Variants in MFSD11 observed in about 807,000 individuals in gnomAD.
The protein encoded by MFSD11 is UNC93-like protein MFSD11.
Under a neutral mutation model 53.5 loss-of-function variants are expected in MFSD11, and 36 were observed. The ratio of observed to expected loss-of-function variants is 0.67; its 90% CI spans 0.52 to 0.89. The LOEUF is 0.89. Ranked by LOEUF, MFSD11 falls within the 40% of genes least tolerant of loss-of-function variation. The pLI is 0.00. For missense variants in MFSD11, 530 were observed against 543.9 expected (o/e 0.97, Z 0.25); for synonymous variants, 186 against 184.9 (o/e 1.01, Z -0.05).
chr17:76,776,186 C>G lies in MFSD11; in HGVS notation c.1050-220C>G, dbSNP rs2081819909. Among the ~76,000 whole-genome samples, 1 of 152,086 alleles carries G rather than the reference C, an allele frequency of 6.6e-6. No homozygotes were observed. Among genetic ancestry groups the G allele is most frequent in the African/African-American group, 2.4e-5 (1 of 41,414 alleles). On this transcript the variant is annotated intron_variant, in intron 11 of 12. Transcript: ENST00000685175. This position sits in a 1 kb window ranked among gnomAD's most constrained non-coding sequence, Gnocchi z 4.2. ...TAGAGATGGGGTTTTGCCATGTTGG[C>G]CAGGCTGGTCTCAAACTCCTGTCTT...
At chr17:76,741,847 A>T in intron 3 of MFSD11, 122 bp from the exon 4 acceptor site, 1 of 1,471,448 alleles carries the variant, frequency 6.8e-7, no homozygotes. Context: ...TCAAAACTGG[A>T]GCGATCCTTT....
chr17:76,787,718 A>T, the MFSD11 span, among the ~76,000 whole-genome samples: 1 of 149,808 alleles, frequency 6.7e-6, no homozygotes, highest in African/African-American at 2.4e-5. Context: ...AACTGACTGA[A>T]CAGACCCCTT....
downstream of MFSD11, among the ~76,000 whole-genome samples, chr17:76,780,755 C>T (rs550141602): frequency 3.3e-5 from 5 of 152,174 alleles, no homozygotes; most frequent in South Asian, 1.0e-3. Context: ...ACCTCATGAT[C>T]CGCCTGCCTC....
upstream of MFSD11, chr17:76,737,341 G>T (rs1410485842): frequency 7.9e-6 from 6 of 759,186 alleles, no homozygotes; most frequent in African/African-American, 8.8e-5. Flanking sequence ...TGGGCGGGCA[G>T]CCGGCCTCTG....
At chr17:76,759,623 G>A (rs1568084061) in intron 8 of MFSD11, among the ~76,000 whole-genome samples, 1 of 151,668 alleles carries the variant, frequency 6.6e-6, no homozygotes, top group Non-Finnish European at 1.5e-5. Context: ...CCTGGCTAAT[G>A]TTTTTTTGTA....
chr17:76,800,601 C>T, the MFSD11 span, among the ~76,000 whole-genome samples: 1 of 152,028 alleles, frequency 6.6e-6, no homozygotes, highest in African/African-American at 2.4e-5. Flanking sequence ...TTGAAAAAGC[C>T]CTTTAATGGT....
At chr17:76,763,554 GT>G (rs2080499837) in intron 8 of MFSD11, among the ~76,000 whole-genome samples, 3 of 151,924 alleles carry the variant, frequency 2.0e-5, no homozygotes, top group Non-Finnish European at 4.4e-5. Flanking sequence ...GTGAGCCACC[GT>G]GCCCGGCCCT....
At chr17:76,745,294 C>T (rs2078436303) in intron 7 of MFSD11, 3 of 152,182 alleles carry the variant, frequency 2.0e-5, no homozygotes, top group African/African-American at 7.2e-5. Context: ...TTAGATGCTC[C>T]AGATTTGCAG....
chr17:76,771,936 G>A (rs1034877516), intron 10 of MFSD11, among the ~76,000 whole-genome samples: 1 of 152,064 alleles, frequency 6.6e-6, no homozygotes, highest in East Asian at 1.9e-4. Flanking sequence ...GGAGGGACTC[G>A]TGGGCTGGAG....
At chr17:76,763,065 C>T (rs1192258373) in intron 8 of MFSD11, among the ~76,000 whole-genome samples, 3 of 152,020 alleles carry the variant, frequency 2.0e-5, no homozygotes, top group African/African-American at 4.8e-5. Flanking sequence ...ACATAAAGTT[C>T]GTGTACAAGT....
the MFSD11 span, among the ~76,000 whole-genome samples, chr17:76,795,722 C>G: frequency 6.6e-6 from 1 of 151,706 alleles, no homozygotes; most frequent in Non-Finnish European, 1.5e-5. Flanking sequence ...CCTACCAGAT[C>G]AGCTCACTGC....
intron 8 of MFSD11, among the ~76,000 whole-genome samples, chr17:76,758,877 CT>C (rs1322194900): frequency 6.6e-6 from 1 of 152,084 alleles, no homozygotes; most frequent in Non-Finnish European, 1.5e-5. Flanking sequence ...ACACATATAA[CT>C]TTTGACTCCC....
intron 5 of MFSD11, among the ~76,000 whole-genome samples, chr17:76,742,571 C>G (rs142645741): frequency 6.6e-6 from 1 of 151,624 alleles, no homozygotes; most frequent in Non-Finnish European, 1.5e-5. Context: ...GGCACGATCT[C>G]GGCTTACTGC....
the MFSD11 span, among the ~76,000 whole-genome samples, chr17:76,791,411 T>A: frequency 3.3e-5 from 5 of 149,668 alleles, no homozygotes; most frequent in African/African-American, 1.2e-4. Context: ...ACTTTTTTTT[T>A]TAAATTGGTT....
chr17:76,743,523 C>G (rs2078281466), intron 6 of MFSD11, 67 bp downstream of exon 6: 2 of 969,782 alleles, frequency 2.1e-6, no homozygotes, highest in African/African-American at 3.4e-5. Flanking sequence ...ATAGAAATAC[C>G]CATTATTGCT....
chr17:76,778,142 T>C, intron 12 of MFSD11, 46 bp from the exon 13 acceptor site: 1 of 1,609,010 alleles, frequency 6.2e-7, no homozygotes, highest in Non-Finnish European at 8.5e-7. Flanking sequence ...TGTGGCTCAG[T>C]GTGGCCCCCG....
At chr17:76,786,142 T>C (rs1413882602), downstream of MFSD11, among the ~76,000 whole-genome samples, 2 of 146,386 alleles carry the variant, frequency 1.4e-5, no homozygotes, top group East Asian at 4.8e-4. Context: ...GGAGCTCTTC[T>C]AATTTTTTTT....
the MFSD11 span, among the ~76,000 whole-genome samples, chr17:76,787,780 C>T: frequency 1.3e-5 from 2 of 149,244 alleles, no homozygotes; most frequent in Non-Finnish European, 3.0e-5. Context: ...CAGCCATGAC[C>T]GGGGAAAAAA....
intron 12 of MFSD11, among the ~76,000 whole-genome samples, chr17:76,777,472 T>A (rs1456597766): frequency 6.6e-6 from 1 of 152,210 alleles, no homozygotes; most frequent in Non-Finnish European, 1.5e-5. Flanking sequence ...TGGCCTCAAG[T>A]GATCCGCCCG....
Sources: gnomAD v4.1 joint callset for allele counts (sites outside exome capture counted in the v4.1 genomes callset) on GRCh38, gnomAD v4.1.1 for gene constraint, Gnocchi (gnomAD v3.1) non-coding constraint, MANE v1.5 for transcripts, NCBI Gene and HGNC (gene_info 2026-07-23, HGNC 2026-07-21) for gene names.